Variants in PUM3 observed in about 807,000 individuals in gnomAD.
PUM3 encodes the protein pumilio RNA binding family member 3, also known as pumilio homolog 3.
PUM3 carries 91 observed loss-of-function variants against 84.0 expected under a neutral mutation model. That is an observed-to-expected ratio of 1.08 (90% CI 0.91 to 1.29). PUM3 has a LOEUF of 1.29. PUM3 is among the 50% of genes most tolerant of loss of function. The pLI, the probability that PUM3 is intolerant of heterozygous loss-of-function variation, is 0.00. For missense variants in PUM3, 1,067 were observed against 767.5 expected (o/e 1.39, Z -4.61); for synonymous variants, 321 against 266.7 (o/e 1.20, Z -1.98).
At chr9:2,824,316 T>C (rs191648123) in intron 11 of PUM3, among the ~76,000 whole-genome samples, 1 of 152,336 alleles carries the variant, frequency 6.6e-6, no homozygotes, top group Non-Finnish European at 1.5e-5. Flanking sequence ...TCTTTACCTT[T>C]TCCCTCAAGT....
intron 13 of PUM3, 94 bp downstream of exon 13, chr9:2,819,924 G>C (rs1301432902): frequency 5.5e-6 from 4 of 725,158 alleles, no homozygotes; most frequent in Non-Finnish European, 9.6e-6. Context: ...AGGCACAGCT[G>C]CAAGTCTTTA....
At chr9:2,840,962 A>G (rs1816250882) in intron 1 of PUM3, among the ~76,000 whole-genome samples, 1 of 152,258 alleles carries the variant, frequency 6.6e-6, no homozygotes, top group South Asian at 2.1e-4. Context: ...GGAAACACAT[A>G]TATGTATATT....
chr9:2,832,095 G>T (rs1187300719), intron 5 of PUM3, among the ~76,000 whole-genome samples: 1 of 152,044 alleles, frequency 6.6e-6, no homozygotes, highest in East Asian at 1.9e-4. Flanking sequence ...TCACTCTAAA[G>T]TTTCTGAATT....
At chr9:2,817,483 C>T (rs1821495769) in intron 13 of PUM3, among the ~76,000 whole-genome samples, 1 of 152,110 alleles carries the variant, frequency 6.6e-6, no homozygotes, top group South Asian at 2.1e-4. Flanking sequence ...AAAAGGCTTG[C>T]TGACCCCTGA....
chr9:2,804,377 C>G lies in PUM3; in HGVS notation c.1901G>C (p.Ser634Thr), dbSNP rs377530369. The G allele has an allele frequency of 1.3e-4, 203 of 1,613,682 alleles. No individual in the cohort carries two copies. Among genetic ancestry groups the G allele is most frequent in the Non-Finnish European group, 1.7e-4 (195 of 1,179,892 alleles). ...SLIPTLEKTKSTSKGIEILLE... is the reference protein window; with the variant it reads ...SLIPTLEKTKTTSKGIEILLE... ...TAGAATTTCTATTCCTTTGCTGGTG[C>G]TTTTGGTTTTTTCCAATGTAGGAAT... Residue 634 changes from serine (S) to threonine (T), a missense_variant, in exon 18 of 18, where the codon AGC (serine) becomes ACC (threonine). Ser to Thr is a moderately conservative substitution (Grantham distance 58). Transcript: ENST00000397885.
chr9:2,836,025 G>C (rs1242152846), intron 3 of PUM3, among the ~76,000 whole-genome samples: 1 of 152,064 alleles, frequency 6.6e-6, no homozygotes, highest in Non-Finnish European at 1.5e-5. Context: ...AGAAACTTCT[G>C]GCAATTGGGG....
chr9:2,821,412 C>G lies in PUM3; in HGVS notation c.1189-1314G>C, dbSNP rs888588305. 1.8e-4 allele frequency among the ~76,000 whole-genome samples: 23 copies of G among 124,386 alleles called. 1 individual carries two copies. The highest frequency in any genetic ancestry group is 3.2e-4 in the Non-Finnish European group (20 of 62,838). The allele number at this position is 124,386 out of a possible 152,430, so 81.6% of individuals were successfully genotyped here. The stretch of plus-strand genomic sequence containing the variant: ...TGAGCCCAGATCGCGCCACGGCACT[C>G]CAGCCTGGGCGACAGAGCAAGACTC... On this transcript the variant is annotated intron_variant, in intron 12 of 17. Transcript: ENST00000397885.
chr9:2,830,074 G>A, intron 7 of PUM3, 126 bp from the exon 8 acceptor site: 3 of 730,954 alleles, frequency 4.1e-6, no homozygotes, highest in Non-Finnish European at 6.7e-6. Context: ...AAATGAGCTA[G>A]CATGCATTGA....
At chr9:2,842,831 T>C (rs1816300645) in intron 1 of PUM3, among the ~76,000 whole-genome samples, 1 of 152,178 alleles carries the variant, frequency 6.6e-6, no homozygotes, top group South Asian at 2.1e-4. Context: ...TTATTGTTGT[T>C]TGCCCCACAA....
intron 10 of PUM3, among the ~76,000 whole-genome samples, chr9:2,826,496 C>G (rs933305149): frequency 6.6e-6 from 1 of 152,050 alleles, no homozygotes; most frequent in East Asian, 1.9e-4. Context: ...TTTCATTATC[C>G]CTTGTGATTG....
chr9:2,813,463 A>G (rs1821409982), intron 13 of PUM3, among the ~76,000 whole-genome samples: 3 of 152,200 alleles, frequency 2.0e-5, no homozygotes, highest in Non-Finnish European at 2.9e-5. Context: ...CCAACTGGCC[A>G]GGTTTACAGA....
intron 12 of PUM3, among the ~76,000 whole-genome samples, chr9:2,820,727 A>T (rs1821572507): frequency 6.6e-6 from 1 of 152,206 alleles, no homozygotes; most frequent in Non-Finnish European, 1.5e-5. Context: ...ATAATTATAC[A>T]CTGAATGAGA....
chr9:2,816,738 C>A (rs1821477536), intron 13 of PUM3, among the ~76,000 whole-genome samples: 1 of 152,106 alleles, frequency 6.6e-6, no homozygotes, highest in African/African-American at 2.4e-5. Context: ...TGGGTGAGAT[C>A]ATGATTAACT....
intron 12 of PUM3, among the ~76,000 whole-genome samples, chr9:2,821,357 T>C (rs1241392029): frequency 7.0e-6 from 1 of 143,454 alleles, no homozygotes; most frequent in Non-Finnish European, 1.5e-5. Context: ...GGCAGGAGAA[T>C]GGCGTGAACC....
intron 13 of PUM3, among the ~76,000 whole-genome samples, chr9:2,814,378 T>G (rs1399521389): frequency 2.4e-4 from 37 of 152,110 alleles, no homozygotes; most frequent in Admixed American, 2.3e-3. Context: ...ACCCAGCTTA[T>G]TTTTGTATTT....
At chr9:2,812,185 G>C (rs1821388090) in intron 14 of PUM3, 35 bp downstream of exon 14, 3 of 1,587,654 alleles carry the variant, frequency 1.9e-6, no homozygotes, top group Non-Finnish European at 1.7e-6. Flanking sequence ...ATTAACAGAG[G>C]AATAAAGAAG....
chr9:2,827,819 G>C (rs1222697170), intron 9 of PUM3, among the ~76,000 whole-genome samples: 1 of 152,188 alleles, frequency 6.6e-6, no homozygotes, highest in Non-Finnish European at 1.5e-5. Context: ...AAATTCCTAT[G>C]AAGTCTGTAC....
intron 7 of PUM3, among the ~76,000 whole-genome samples, 153 bp from the exon 8 acceptor site, chr9:2,830,101 C>T (rs1021283420): frequency 1.3e-5 from 2 of 151,992 alleles, no homozygotes; most frequent in African/African-American, 2.4e-5. Context: ...GTGGCCAGCA[C>T]ATAGTAAATG....
intron 1 of PUM3, among the ~76,000 whole-genome samples, chr9:2,840,860 G>C (rs1262508056): frequency 6.6e-6 from 1 of 152,194 alleles, no homozygotes; most frequent in Non-Finnish European, 1.5e-5. Context: ...CTTTCATTGA[G>C]AATGGTATTT....
Sources: gnomAD v4.1 joint callset for allele counts (sites outside exome capture counted in the v4.1 genomes callset) on GRCh38, gnomAD v4.1.1 for gene constraint, MANE v1.5 for transcripts, NCBI Gene and HGNC (gene_info 2026-07-23, HGNC 2026-07-21) for gene names.